The following NRG1 variants were observed in gnomAD, a reference collection of about 807,000 sequenced individuals.
NRG1 encodes pro-neuregulin-1, membrane-bound isoform.
A neutral mutation model predicts 63.8 loss-of-function variants in NRG1; 18 were observed. The observed-to-expected ratio is 0.28, with a 90% confidence interval of 0.19 to 0.42. NRG1 has a LOEUF of 0.42. Among genes scored for constraint, NRG1 ranks in the 10% least tolerant of loss-of-function variants. NRG1 has a pLI of 1.00. For synonymous variants in NRG1, 302 were observed against 301.3 expected (o/e 1.00, Z -0.02); for missense variants, 762 against 814.7 (o/e 0.94, Z 0.79).
At chr8:32,143,185 G>A (rs1836472672) in intron 1 of NRG1, among the ~76,000 whole-genome samples, 1 of 152,092 alleles carries the variant, frequency 6.6e-6, no homozygotes, top group Admixed American at 6.6e-5. Flanking sequence ...CCCTTGATTG[G>A]GCAGATCACA....
chr8:32,295,827 C>G (rs546513748), intron 1 of NRG1, among the ~76,000 whole-genome samples: 6 of 151,508 alleles, frequency 4.0e-5, no homozygotes, highest in Non-Finnish European at 5.9e-5. Context: ...CAGGAGAATA[C>G]TCAGGAGGCC....
At chr8:32,760,110 C>T (rs1830422417) in intron 10 of NRG1, 90 bp from the exon 11 acceptor site, 1 of 1,467,054 alleles carries the variant, frequency 6.8e-7, no homozygotes, top group Non-Finnish European at 9.4e-7. Flanking sequence ...TAGTTTGAAA[C>T]ATTTGTCAGA....
At chr8:32,435,696 A>G (rs1388356748) in intron 1 of NRG1, among the ~76,000 whole-genome samples, 3 of 152,126 alleles carry the variant, frequency 2.0e-5, no homozygotes, top group African/African-American at 7.2e-5. Context: ...ACCAGGCAAT[A>G]TTTTTTAGCA....
chr8:32,693,001 A>T (rs1160563526), intron 5 of NRG1, among the ~76,000 whole-genome samples: 1 of 152,204 alleles, frequency 6.6e-6, no homozygotes, highest in East Asian at 1.9e-4. Context: ...TCTGGAAATA[A>T]GCCACATCAC....
chr8:31,981,430 T>C (rs1401827294), intron 1 of NRG1, among the ~76,000 whole-genome samples: 1 of 152,016 alleles, frequency 6.6e-6, no homozygotes, highest in Non-Finnish European at 1.5e-5. Flanking sequence ...GAATAAACTC[T>C]TTTTAAACTA....
intron 1 of NRG1, among the ~76,000 whole-genome samples, chr8:32,064,168 A>G (rs369107636): frequency 2.1e-4 from 32 of 152,114 alleles, no homozygotes; most frequent in African/African-American, 7.5e-4. Flanking sequence ...GGTAAGAGCT[A>G]TCTTGCCTCA....
At chr8:32,688,780 A>C (rs1039774985) in intron 5 of NRG1, among the ~76,000 whole-genome samples, 1 of 152,218 alleles carries the variant, frequency 6.6e-6, no homozygotes, top group Non-Finnish European at 1.5e-5. Flanking sequence ...ATAAAAATAA[A>C]TGTATATTTT....
Position 32,199,678 on chromosome 8 carries a change from A to G in NRG1, c.38-396150A>G, listed in dbSNP as rs917322831. 3.9e-5 allele frequency among the ~76,000 whole-genome samples: 6 copies of G among 152,316 alleles called. No homozygotes were observed. In the East Asian group the frequency reaches 7.7e-4, roughly 20 times the overall value. On this transcript the variant is annotated intron_variant, in intron 1 of 10. Coordinates refer to the NRG1 transcript ENST00000519301. Reference sequence around the variant, plus strand: ...TGTTGTTTTTGAGAAGTCCAATAACATATTTCTAATCCTTTGTATTTTGTT... The same window carrying G: ...TGTTGTTTTTGAGAAGTCCAATAACGTATTTCTAATCCTTTGTATTTTGTT...
intron 1 of NRG1, among the ~76,000 whole-genome samples, chr8:32,158,926 A>G (rs1227138298): frequency 6.6e-6 from 1 of 152,034 alleles, no homozygotes; most frequent in Non-Finnish European, 1.5e-5. Context: ...ATAGCCCCTG[A>G]GCCACCACAC....
At chr8:32,700,313 T>C (rs2919385) in intron 5 of NRG1, among the ~76,000 whole-genome samples, 141,532 of 152,142 alleles carry the variant, frequency 0.93, 66,301 homozygotes, top group Middle Eastern at 1. Context: ...GAAATAATTT[T>C]GGCAATACTG....
At chr8:32,004,333 G>A (rs1437370454) in intron 1 of NRG1, among the ~76,000 whole-genome samples, 1 of 151,880 alleles carries the variant, frequency 6.6e-6, no homozygotes, top group Non-Finnish European at 1.5e-5. Context: ...TGGATACATT[G>A]CATCATGCAT....
chr8:31,851,139 C>T (rs912485099), intron 1 of NRG1, among the ~76,000 whole-genome samples: 6 of 152,188 alleles, frequency 3.9e-5, no homozygotes, highest in Non-Finnish European at 8.8e-5. Context: ...AGTCTCATTG[C>T]TTTATTCCAC....
At chr8:31,911,109 C>T (rs1310737298) in intron 1 of NRG1, among the ~76,000 whole-genome samples, 2 of 152,258 alleles carry the variant, frequency 1.3e-5, no homozygotes, top group African/African-American at 4.8e-5. Context: ...GTGCTCCTAC[C>T]TCCTTGGTTT....
intron 1 of NRG1, among the ~76,000 whole-genome samples, chr8:31,933,564 G>A (rs1835041823): frequency 6.6e-6 from 1 of 152,204 alleles, no homozygotes; most frequent in African/African-American, 2.4e-5. Flanking sequence ...TTACAGGCGT[G>A]AGCCACTGCA....
At chr8:31,734,144 T>C (rs1310520230) in intron 1 of NRG1, among the ~76,000 whole-genome samples, 1 of 151,812 alleles carries the variant, frequency 6.6e-6, no homozygotes, top group Non-Finnish European at 1.5e-5. Context: ...CTGGGCAACA[T>C]AGCAAGACCC....
intron 1 of NRG1, among the ~76,000 whole-genome samples, chr8:32,009,162 A>G (rs918030643): frequency 7.9e-5 from 12 of 152,066 alleles, no homozygotes; most frequent in African/African-American, 2.7e-4. Flanking sequence ...TTTGTGTTGT[A>G]TAATATGACC....
chr8:32,028,866 A>G (rs1161712238), intron 1 of NRG1, among the ~76,000 whole-genome samples: 1 of 151,662 alleles, frequency 6.6e-6, no homozygotes, highest in Non-Finnish European at 1.5e-5. Context: ...TAACATCACT[A>G]ACCTTCCTAT....
At chr8:32,277,150 G>A (rs532830251) in intron 1 of NRG1, among the ~76,000 whole-genome samples, 8 of 152,312 alleles carry the variant, frequency 5.3e-5, no homozygotes, top group Non-Finnish European at 1.2e-4. Context: ...TGTAATGTAT[G>A]CATGCTATTG....
At chr8:32,292,705 C>T (rs1458535633) in intron 1 of NRG1, among the ~76,000 whole-genome samples, 5 of 152,104 alleles carry the variant, frequency 3.3e-5, no homozygotes, top group African/African-American at 7.2e-5. Context: ...TGACACTGAA[C>T]GAGGAGTAAA....
Sources: gnomAD v4.1 joint callset for allele counts (sites outside exome capture counted in the v4.1 genomes callset) on GRCh38, gnomAD v4.1.1 for gene constraint, MANE v1.5 for transcripts, NCBI Gene and HGNC (gene_info 2026-07-23, HGNC 2026-07-21) for gene names.